The following BLTP2 variants were observed in gnomAD, a reference collection of about 807,000 sequenced individuals.
BLTP2 encodes bridge-like lipid transfer protein family member 2.
chr17:28,626,620 G>T, the BLTP2 span, among the ~76,000 whole-genome samples: 3 of 152,122 alleles, frequency 2.0e-5, no homozygotes, highest in Non-Finnish European at 4.4e-5. Flanking sequence ...AATCACCAAT[G>T]GCCAATGGTT....
the BLTP2 span, chr17:28,642,046 G>A: frequency 6.2e-7 from 1 of 1,614,158 alleles, no homozygotes; most frequent in African/African-American, 1.3e-5. Context: ...ACAGGTCCAG[G>A]GCCAGTGAAA....
the BLTP2 span, chr17:28,635,263 GC>G: frequency 6.2e-7 from 1 of 1,614,188 alleles, no homozygotes; most frequent in Non-Finnish European, 8.5e-7. Flanking sequence ...ATCAAAGCCA[GC>G]AGCCAGCTCT....
the BLTP2 span, chr17:28,641,919 T>C: frequency 6.2e-7 from 1 of 1,613,850 alleles, no homozygotes; most frequent in African/African-American, 1.3e-5. Context: ...GATGCTAGGC[T>C]TGGGCCCTGG....
chr17:28,631,606 A>AT, the BLTP2 span: 11 of 1,613,864 alleles, frequency 6.8e-6, no homozygotes, highest in Non-Finnish European at 9.3e-6. Context: ...CATCAGGTGA[A>AT]CGGTCACCTG....
the BLTP2 span, among the ~76,000 whole-genome samples, chr17:28,626,514 G>T: frequency 6.6e-6 from 1 of 152,154 alleles, no homozygotes; most frequent in Non-Finnish European, 1.5e-5. Context: ...ATGGTGGCTG[G>T]TCACTGGAAA....
chr17:28,621,382 G>A, the BLTP2 span: 6 of 1,600,582 alleles, frequency 3.7e-6, no homozygotes, highest in Non-Finnish European at 4.3e-6. Flanking sequence ...TTGATGCAGA[G>A]GAGGGGGAGG....
chr17:28,643,084 A>G, the BLTP2 span: 1 of 1,590,468 alleles, frequency 6.3e-7, no homozygotes, highest in South Asian at 1.1e-5. Context: ...ATTATGCCCT[A>G]AAAACAGAAA....
At chr17:28,625,167 C>T in the BLTP2 span, among the ~76,000 whole-genome samples, 1 of 151,648 alleles carries the variant, frequency 6.6e-6, no homozygotes, top group South Asian at 2.1e-4. Context: ...GATACTCCAT[C>T]TCTACTAAAA....
the BLTP2 span, chr17:28,635,058 T>A: frequency 3.7e-6 from 6 of 1,613,316 alleles, no homozygotes; most frequent in Non-Finnish European, 5.1e-6. Context: ...ACTTCTGAAC[T>A]CCCACAGCCT....
At chr17:28,621,554 G>T in the BLTP2 span, 1 of 1,274,138 alleles carries the variant, frequency 7.8e-7, no homozygotes, top group Non-Finnish European at 1.1e-6. Context: ...GCTTGTCCTG[G>T]ACAATTGGGT....
At chr17:28,616,389 T>C in the BLTP2 span, 6 of 1,614,078 alleles carry the variant, frequency 3.7e-6, no homozygotes, top group Non-Finnish European at 5.1e-6. This position sits in a 1 kb window ranked among gnomAD's most constrained non-coding sequence, Gnocchi z 4.8. Context: ...CTCTGGCGAT[T>C]TGCGAAATGA....
chr17:28,616,930 G>T, the BLTP2 span: 1 of 1,614,074 alleles, frequency 6.2e-7, no homozygotes, highest in Non-Finnish European at 8.5e-7. This position sits in a 1 kb window ranked among gnomAD's most constrained non-coding sequence, Gnocchi z 4.8. Context: ...ACAGGGGGCC[G>T]AACTTTGCTG....
the BLTP2 span, chr17:28,636,863 C>T: frequency 1.0e-6 from 1 of 959,898 alleles, no homozygotes; most frequent in Non-Finnish European, 1.6e-6. Context: ...ACATGTGACA[C>T]TCTGTTTTGG....
the BLTP2 span, chr17:28,635,842 A>G: frequency 2.2e-6 from 1 of 456,414 alleles, no homozygotes; most frequent in Non-Finnish European, 3.9e-6. Flanking sequence ...GTTCTCTTCA[A>G]CTGGATTCTA....
chr17:28,615,158 T>C, the BLTP2 span: 2 of 1,614,206 alleles, frequency 1.2e-6, no homozygotes, highest in South Asian at 2.2e-5. Flanking sequence ...CTCTTCCTGC[T>C]GTTGCATGTT....
At chr17:28,622,462 C>G in the BLTP2 span, among the ~76,000 whole-genome samples, 5 of 152,172 alleles carry the variant, frequency 3.3e-5, no homozygotes, top group African/African-American at 1.2e-4. Flanking sequence ...CTAAGTAGAA[C>G]TGCAAATGGA....
the BLTP2 span, among the ~76,000 whole-genome samples, chr17:28,636,386 C>G: frequency 6.6e-6 from 1 of 152,218 alleles, no homozygotes; most frequent in African/African-American, 2.4e-5. Flanking sequence ...CTGACTCCTT[C>G]CAGTCTTTTA....
At chr17:28,618,392 C>G in the BLTP2 span, among the ~76,000 whole-genome samples, 3 of 152,136 alleles carry the variant, frequency 2.0e-5, no homozygotes, top group African/African-American at 2.4e-5. Flanking sequence ...GCTGGGACCA[C>G]AGGTATGCAC....
At chr17:28,616,303 C>T in the BLTP2 span, 25 of 1,607,664 alleles carry the variant, frequency 1.6e-5, no homozygotes, top group Middle Eastern at 3.3e-4. This position sits in a 1 kb window ranked among gnomAD's most constrained non-coding sequence, Gnocchi z 4.8. Flanking sequence ...TAGAGGAAAC[C>T]GAAGAAATCC....
Sources: allele counts gnomAD v4.1 joint callset (sites outside exome capture counted in the v4.1 genomes callset), GRCh38; gene constraint gnomAD v4.1.1; non-coding constraint Gnocchi (gnomAD v3.1); transcripts MANE v1.5; gene names NCBI Gene and HGNC (gene_info 2026-07-23, HGNC 2026-07-21).